MYO3B: variants seen among roughly 807,000 people sequenced by gnomAD.
The protein encoded by MYO3B is myosin-IIIb.
A neutral mutation model predicts 174.6 loss-of-function variants in MYO3B; 156 were observed. That is an observed-to-expected ratio of 0.89 (90% confidence interval 0.78 to 1.02). The LOEUF (loss-of-function observed/expected upper bound fraction) is 1.02. Ranked by LOEUF, MYO3B falls within the 50% of genes least tolerant of loss-of-function variation. MYO3B has a pLI of 0.00. For missense variants in MYO3B, 1,632 were observed against 1,639.4 expected (o/e 1.00, Z 0.08); for synonymous variants, 563 against 569.1 (o/e 0.99, Z 0.15).
chr2:170,331,767 C>G (rs2093913188), intron 7 of MYO3B, among the ~76,000 whole-genome samples: 1 of 152,158 alleles, frequency 6.6e-6, no homozygotes, highest in African/African-American at 2.4e-5. Context: ...CATTTCTTTG[C>G]TAGATATCGG....
intron 32 of MYO3B, among the ~76,000 whole-genome samples, chr2:170,581,167 A>G (rs1003480790): frequency 2.0e-5 from 3 of 152,120 alleles, no homozygotes; most frequent in African/African-American, 7.2e-5. Flanking sequence ...TTTTCTCCAT[A>G]TTCTCACCAA....
chr2:170,452,935 G>A (rs1025022226), intron 23 of MYO3B, among the ~76,000 whole-genome samples: 2 of 152,198 alleles, frequency 1.3e-5, no homozygotes, highest in Admixed American at 6.5e-5. Flanking sequence ...CTTAGCTATG[G>A]AACTACAACA....
At chr2:170,406,002 G>A (rs2094507087) in intron 21 of MYO3B, among the ~76,000 whole-genome samples, 1 of 152,100 alleles carries the variant, frequency 6.6e-6, no homozygotes, top group Non-Finnish European at 1.5e-5. Context: ...TAATATCACA[G>A]TGGGACTCAA....
At chr2:170,527,653 C>A (rs1483927137) in intron 30 of MYO3B, among the ~76,000 whole-genome samples, 1 of 152,166 alleles carries the variant, frequency 6.6e-6, no homozygotes, top group Admixed American at 6.5e-5. Context: ...AGCTACAGAC[C>A]CTGGAGCCAA....
At chr2:170,320,734 A>G (rs1219011295) in intron 7 of MYO3B, among the ~76,000 whole-genome samples, 1 of 152,136 alleles carries the variant, frequency 6.6e-6, no homozygotes, top group Non-Finnish European at 1.5e-5. Flanking sequence ...GACATTCTCA[A>G]ATTTCAAAAA....
intron 6 of MYO3B, among the ~76,000 whole-genome samples, chr2:170,217,614 CAATTAGAAGAAA>C (rs1451619866): frequency 1.8e-4 from 27 of 152,288 alleles, no homozygotes; most frequent in Admixed American, 1.7e-3. Context: ...CACCTTCATG[CAATTAGAAGAAA>C]GTGTCCCTCC....
chr2:170,614,409 G>A lies in MYO3B; in HGVS notation c.3734-37219G>A, dbSNP rs1335578270. Among the ~76,000 whole-genome samples the A allele has an allele frequency of 2.6e-5, 4 of 152,112 alleles. No individual in the cohort carries two copies. In the South Asian group the frequency reaches 8.3e-4, roughly 32 times the overall value. The stretch of plus-strand genomic sequence containing the variant: ...ATTCCTGGGCTCTCTTTGGAGTAGA[G>A]AGAGGCTGCAAGGTAGGAACTCCCT... On this transcript the variant is annotated intron_variant, in intron 32 of 34. Transcript: ENST00000408978.
At chr2:170,198,601 T>C (rs1055914753) in intron 1 of MYO3B, among the ~76,000 whole-genome samples, 4 of 152,230 alleles carry the variant, frequency 2.6e-5, no homozygotes, top group African/African-American at 9.6e-5. Flanking sequence ...AGCCATATTG[T>C]GGGACTGACT....
chr2:170,434,952 C>T (rs1287191457), intron 22 of MYO3B, among the ~76,000 whole-genome samples: 1 of 152,220 alleles, frequency 6.6e-6, no homozygotes, highest in Non-Finnish European at 1.5e-5. Flanking sequence ...AGCCACTGTA[C>T]TTAGCTACTA....
chr2:170,407,715 G>A lies in MYO3B; in HGVS notation c.2521G>A (p.Val841Ile), dbSNP rs2094519473. 6.2e-7 allele frequency: 1 copy of A among 1,613,748 alleles called. No individual in the cohort carries two copies. The change falls in exon 22 of 35, where the codon GTA becomes ATA. Residue 841 changes from valine to isoleucine, a missense_variant and splice_region_variant. Physicochemically the swap from Val to Ile is conservative, Grantham distance 29. Coordinates refer to ENST00000408978, the MANE Select transcript of MYO3B (RefSeq NM_138995.5). ...CFGIQHYAGK[V>I]LYDASGVLEK... ...TTGCCGTTTGCTATTCATGTTACAG[G>A]TATTATATGATGCTTCTGGGGTTCT...
At chr2:170,539,622 TA>T (rs1289776903) in intron 30 of MYO3B, among the ~76,000 whole-genome samples, 10 of 26,234 alleles carry the variant, frequency 3.8e-4, no homozygotes, top group African/African-American at 1.1e-3. Flanking sequence ...TTTATTTATT[TA>T]TTTTTTTTTT....
intron 25 of MYO3B, among the ~76,000 whole-genome samples, chr2:170,480,795 ATAGAAGTCT>A (rs1685642418): frequency 6.6e-6 from 1 of 152,248 alleles, no homozygotes. Context: ...ACATTTGGTC[ATAGAAGTCT>A]TAGTGTTGAT....
At chr2:170,546,952 C>A (rs935541873) in intron 32 of MYO3B, among the ~76,000 whole-genome samples, 1 of 152,118 alleles carries the variant, frequency 6.6e-6, no homozygotes, top group African/African-American at 2.4e-5. Context: ...TACTCCATCT[C>A]AAGCTCAGCT....
At chr2:170,306,152 C>T (rs1019665217) in intron 7 of MYO3B, among the ~76,000 whole-genome samples, 5 of 152,134 alleles carry the variant, frequency 3.3e-5, no homozygotes, top group Non-Finnish European at 5.9e-5. Context: ...GTCTCTTCAG[C>T]GGGATAGTTG....
intron 30 of MYO3B, among the ~76,000 whole-genome samples, chr2:170,541,187 G>C (rs1484051821): frequency 2.0e-5 from 3 of 152,142 alleles, no homozygotes; most frequent in Non-Finnish European, 2.9e-5. Context: ...CATTTTTTGA[G>C]GGGTCAGGAA....
At chr2:170,267,595 C>G (rs956992418) in intron 7 of MYO3B, among the ~76,000 whole-genome samples, 10 of 152,176 alleles carry the variant, frequency 6.6e-5, no homozygotes, top group African/African-American at 2.4e-4. Flanking sequence ...GTTCCCTTAG[C>G]TGGTCTTGAG....
At chr2:170,652,608 T>C (rs1411172858) in intron 34 of MYO3B, among the ~76,000 whole-genome samples, 1 of 152,218 alleles carries the variant, frequency 6.6e-6, no homozygotes, top group Non-Finnish European at 1.5e-5. Context: ...AGCATCTCAA[T>C]TGAGAACAGC....
At chr2:170,435,512 A>G (rs781732759) in intron 22 of MYO3B, among the ~76,000 whole-genome samples, 2 of 152,218 alleles carry the variant, frequency 1.3e-5, no homozygotes, top group African/African-American at 2.4e-5. Context: ...ACACAAAGTC[A>G]TCGTATTGTA....
intron 22 of MYO3B, among the ~76,000 whole-genome samples, chr2:170,439,048 ATG>A (rs1207198023): frequency 6.8e-6 from 1 of 147,556 alleles, no homozygotes; most frequent in Non-Finnish European, 1.5e-5. Context: ...CTTTGGCGAT[ATG>A]TGTAGTCAAG....
Sources: gnomAD v4.1 joint callset for allele counts (sites outside exome capture counted in the v4.1 genomes callset) on GRCh38, gnomAD v4.1.1 for gene constraint, MANE v1.5 for transcripts, NCBI Gene and HGNC (gene_info 2026-07-23, HGNC 2026-07-21) for gene names.